The following SPIN1 variants were observed in gnomAD, a reference collection of about 807,000 sequenced individuals.
SPIN1 encodes spindlin 1.
SPIN1 carries 3 observed loss-of-function variants against 26.0 expected under a neutral mutation model. The ratio of observed to expected loss-of-function variants is 0.12; its 90% CI spans 0.05 to 0.30. The LOEUF is 0.30. Among genes scored for constraint, SPIN1 ranks in the 10% least tolerant of loss-of-function variants. The probability of loss-of-function intolerance (pLI) is 1.00; values close to 1 mark genes in which losing one functional copy is unlikely to be tolerated. For missense variants in SPIN1, 126 were observed against 333.4 expected (o/e 0.38, Z 4.84); for synonymous variants, 101 against 116.5 (o/e 0.87, Z 0.86).
At chr9:88,474,458 C>T (rs1828849786) in intron 5 of SPIN1, among the ~76,000 whole-genome samples, 1 of 152,122 alleles carries the variant, frequency 6.6e-6, no homozygotes, top group Admixed American at 6.5e-5. Flanking sequence ...GAAGTTCATT[C>T]AGCACCAATT....
chr9:88,473,244 T>C (rs1173630002), intron 5 of SPIN1, among the ~76,000 whole-genome samples: 3 of 141,750 alleles, frequency 2.1e-5, no homozygotes, highest in Non-Finnish European at 4.4e-5. Flanking sequence ...AATAAAAAAA[T>C]TAGCCAAGTG....
At chr9:88,445,075 A>G (rs1018459200) in intron 2 of SPIN1, among the ~76,000 whole-genome samples, 1 of 152,204 alleles carries the variant, frequency 6.6e-6, no homozygotes, top group Non-Finnish European at 1.5e-5. Flanking sequence ...GATGTTTGGC[A>G]TTTGAGGCAC....
At chr9:88,471,355 C>T (rs1187558487) in intron 5 of SPIN1, among the ~76,000 whole-genome samples, 1 of 151,956 alleles carries the variant, frequency 6.6e-6, no homozygotes, top group Non-Finnish European at 1.5e-5. Flanking sequence ...AAAGACTATT[C>T]TTTCCCCCAT....
At chr9:88,401,373 A>T (rs1827183494) in intron 1 of SPIN1, among the ~76,000 whole-genome samples, 1 of 152,136 alleles carries the variant, frequency 6.6e-6, no homozygotes, top group Admixed American at 6.6e-5. Flanking sequence ...AAAAAAATTC[A>T]TACAGCCATC....
chr9:88,468,319 C>T lies in SPIN1; in HGVS notation c.356-53C>T, dbSNP rs1405759864. ...CTTTAGTAAATTCAGTCTTCATAGT[C>T]GGTAATCAGCGAAACACTTTGTCAA... On this transcript the variant is annotated intron_variant, in intron 4 of 5. Coordinates refer to ENST00000375859, the MANE Select transcript of SPIN1 (RefSeq NM_006717.3). 1.9e-5 allele frequency: 25 copies of T among 1,319,122 alleles called. No homozygotes were observed. The East Asian group carries it at 3.2e-4, about 17-fold the overall frequency. The allele number at this position is 1,319,122 out of a possible 1,614,324, so 81.7% of individuals were successfully genotyped here. A position where few individuals can be genotyped will look rare whatever the true frequency, so the allele number is the denominator to read the frequency against.
At chr9:88,388,819 G>T (rs1564018073) in intron 1 of SPIN1, among the ~76,000 whole-genome samples, 1 of 150,488 alleles carries the variant, frequency 6.6e-6, no homozygotes, top group Non-Finnish European at 1.5e-5. Context: ...CAACATGGCC[G>T]CCACCCTCTC....
At chr9:88,432,325 A>G (rs1375179039) in intron 2 of SPIN1, among the ~76,000 whole-genome samples, 1 of 151,540 alleles carries the variant, frequency 6.6e-6, no homozygotes. Flanking sequence ...AAGTAGTGGA[A>G]TTACAGGCAT....
chr9:88,418,173 G>A (rs925044905), intron 1 of SPIN1, among the ~76,000 whole-genome samples: 1 of 152,130 alleles, frequency 6.6e-6, no homozygotes, highest in Non-Finnish European at 1.5e-5. Context: ...CCCTTCCCAG[G>A]GTAGGGCTGA....
chr9:88,418,433 A>T (rs1329918204), intron 1 of SPIN1, among the ~76,000 whole-genome samples: 3 of 152,194 alleles, frequency 2.0e-5, no homozygotes, highest in Admixed American at 6.5e-5. Flanking sequence ...TAACAGTTTT[A>T]AGACAACTTG....
At chr9:88,428,331 G>A (rs533399850) in intron 2 of SPIN1, among the ~76,000 whole-genome samples, 16 of 152,232 alleles carry the variant, frequency 1.1e-4, no homozygotes, top group South Asian at 4.2e-4. Flanking sequence ...CCCTTGCTGC[G>A]TCCCTCCTTC....
At chr9:88,414,531 C>A (rs1359657837) in intron 1 of SPIN1, among the ~76,000 whole-genome samples, 1 of 152,180 alleles carries the variant, frequency 6.6e-6, no homozygotes, top group Admixed American at 6.5e-5. Context: ...AGGACCAGGC[C>A]TAGTGATATC....
intron 5 of SPIN1, among the ~76,000 whole-genome samples, chr9:88,474,195 C>T (rs1316621064): frequency 1.3e-5 from 2 of 152,212 alleles, no homozygotes; most frequent in African/African-American, 2.4e-5. Flanking sequence ...CTGAAGGCCA[C>T]CTGCTACTAC....
At chr9:88,449,124 G>C in intron 3 of SPIN1, 135 bp downstream of exon 3, 1 of 741,590 alleles carries the variant, frequency 1.3e-6, no homozygotes, top group African/African-American at 1.8e-5. Context: ...TGTGCGATGA[G>C]GAATAGTATG....
chr9:88,406,636 T>G (rs1827316999), intron 1 of SPIN1, among the ~76,000 whole-genome samples: 1 of 152,196 alleles, frequency 6.6e-6, no homozygotes. Flanking sequence ...TTCTTATGAT[T>G]AGAGCATCTG....
chr9:88,451,187 A>G (rs1013017685), intron 3 of SPIN1, among the ~76,000 whole-genome samples: 1 of 152,126 alleles, frequency 6.6e-6, no homozygotes, highest in Non-Finnish European at 1.5e-5. Flanking sequence ...GTTGCAAGGA[A>G]TAAGGGCCAC....
intron 1 of SPIN1, among the ~76,000 whole-genome samples, chr9:88,410,186 T>TGTGTGC (rs1554692376): frequency 1.4e-5 from 2 of 139,030 alleles, no homozygotes; most frequent in African/African-American, 6.6e-5. Context: ...TGTGTGTGTG[T>TGTGTGC]GTGCAACTTT....
rs57244433 is a variant in SPIN1, at chr9:88,393,445, G to GTTTTTTTTTTT, written c.-159+4925_-159+4935dup. On this transcript the variant is annotated intron_variant, in intron 1 of 5. Transcript: ENST00000375859. ...AGAATGTCCTTTTTCTTGCTTTTGG[G>GTTTTTTTTTTT]TTTTTTTTTTTTTTTTTTTTTTTTT... 3.7e-4 allele frequency among the ~76,000 whole-genome samples: 33 copies of GTTTTTTTTTTT among 88,438 alleles called. 7 individuals are homozygous for GTTTTTTTTTTT. Among genetic ancestry groups the GTTTTTTTTTTT allele is most frequent in the African/African-American group, 1.2e-3 (22 of 17,920 alleles). The allele number at this position is 88,438 out of a possible 152,430, so 58.0% of individuals were successfully genotyped here. A position where few individuals can be genotyped will look rare whatever the true frequency, so the allele number is the denominator to read the frequency against.
intron 2 of SPIN1, among the ~76,000 whole-genome samples, chr9:88,448,678 A>G (rs1371863143): frequency 6.6e-6 from 1 of 152,130 alleles, no homozygotes; most frequent in Non-Finnish European, 1.5e-5. Flanking sequence ...GTTCTTGTCC[A>G]TGCAATTCTG....
intron 3 of SPIN1, among the ~76,000 whole-genome samples, chr9:88,455,640 A>C (rs1046778690): frequency 3.9e-5 from 6 of 152,268 alleles, no homozygotes; most frequent in African/African-American, 9.6e-5. Context: ...TGTGTATAAA[A>C]ATTTTTCATG....
Sources: allele counts gnomAD v4.1 joint callset (sites outside exome capture counted in the v4.1 genomes callset), GRCh38; gene constraint gnomAD v4.1.1; transcripts MANE v1.5; gene names NCBI Gene and HGNC (gene_info 2026-07-23, HGNC 2026-07-21).